FTO: variants seen among roughly 807,000 people sequenced by gnomAD.
FTO encodes FTO alpha-ketoglutarate dependent dioxygenase, also known as alpha-ketoglutarate-dependent dioxygenase FTO.
FTO carries 47 observed loss-of-function variants against 63.9 expected under a neutral mutation model. The ratio of observed to expected loss-of-function variants is 0.74; its 90% CI spans 0.58 to 0.94. The LOEUF is 0.94. Among genes scored for constraint, FTO ranks in the 40% least tolerant of loss-of-function variants. The probability of loss-of-function intolerance (pLI) is 0.00; values close to 1 mark genes in which losing one functional copy is unlikely to be tolerated. For missense variants in FTO, 562 were observed against 618.1 expected (o/e 0.91, Z 0.96); for synonymous variants, 207 against 224.4 (o/e 0.92, Z 0.69).
intron 3 of FTO, among the ~76,000 whole-genome samples, chr16:53,836,037 C>T (rs770075092): frequency 2.0e-5 from 3 of 151,966 alleles, no homozygotes; most frequent in Non-Finnish European, 4.4e-5. Flanking sequence ...ATTACAGGCG[C>T]GGGCCACCAT....
intron 2 of FTO, among the ~76,000 whole-genome samples, chr16:53,817,134 G>T (rs905411239): frequency 6.6e-6 from 1 of 152,186 alleles, no homozygotes; most frequent in Non-Finnish European, 1.5e-5. Context: ...ACAGTGCCTG[G>T]TACATAGGAA....
chr16:54,096,691 G>A (rs530866469), intron 8 of FTO, among the ~76,000 whole-genome samples: 2 of 152,272 alleles, frequency 1.3e-5, no homozygotes, highest in South Asian at 4.1e-4. Context: ...AAAAGTGTTG[G>A]ACTAGTGAGT....
At chr16:53,858,696 T>C (rs2080080419) in intron 4 of FTO, among the ~76,000 whole-genome samples, 1 of 152,128 alleles carries the variant, frequency 6.6e-6, no homozygotes, top group South Asian at 2.1e-4. Flanking sequence ...GGTCTTGATC[T>C]GTCACCCAGG....
intron 8 of FTO, among the ~76,000 whole-genome samples, chr16:54,062,805 T>C (rs2085615625): frequency 6.6e-6 from 1 of 152,132 alleles, no homozygotes; most frequent in Non-Finnish European, 1.5e-5. Context: ...TAAAGACAGA[T>C]AAGTAACTGT....
chr16:53,838,587 A>G (rs1004327217), intron 3 of FTO, among the ~76,000 whole-genome samples: 2 of 152,200 alleles, frequency 1.3e-5, no homozygotes, highest in Non-Finnish European at 2.9e-5. Flanking sequence ...CTGGGATTAC[A>G]AGTGTGAACC....
intron 4 of FTO, among the ~76,000 whole-genome samples, chr16:53,856,654 G>GCAGGAGAATCACTTGAACC (rs61079508): frequency 0.37 from 55,107 of 149,934 alleles, 13,084 homozygotes; most frequent in East Asian, 0.75. Flanking sequence ...AGAGGCTGAG[G>GCAGGAGAATCACTTGAACC]CAGGAGAATC....
chr16:53,934,269 G>A (rs2082340924), intron 8 of FTO, among the ~76,000 whole-genome samples, 160 bp downstream of exon 8: 1 of 152,108 alleles, frequency 6.6e-6, no homozygotes, highest in African/African-American at 2.4e-5. Context: ...TCCTGCCCAC[G>A]GCACCTACAT....
intron 1 of FTO, among the ~76,000 whole-genome samples, chr16:53,799,906 G>T (rs2151710081): frequency 6.6e-6 from 1 of 152,144 alleles, no homozygotes; most frequent in South Asian, 2.1e-4. Flanking sequence ...AAACTTCTGT[G>T]TGTATTTTTA....
At chr16:53,710,767 T>C (rs184182159) in intron 1 of FTO, among the ~76,000 whole-genome samples, 186 of 152,316 alleles carry the variant, frequency 1.2e-3, no homozygotes, top group African/African-American at 4.2e-3. Flanking sequence ...CTTGAAAAAC[T>C]TAAGTATCTG....
At chr16:53,746,599 A>T (rs1417073073) in intron 1 of FTO, among the ~76,000 whole-genome samples, 1 of 152,140 alleles carries the variant, frequency 6.6e-6, no homozygotes. Flanking sequence ...TCATAGTTGT[A>T]AATATTATGG....
At chr16:53,706,554 T>C (rs942620442) in intron 1 of FTO, among the ~76,000 whole-genome samples, 18 of 152,216 alleles carry the variant, frequency 1.2e-4, no homozygotes, top group East Asian at 1.9e-4. Flanking sequence ...CTTTTTTTCA[T>C]TCAGCGTAAT....
At chr16:54,018,418 A>ATACC (rs1278540250) in intron 8 of FTO, among the ~76,000 whole-genome samples, 3 of 151,620 alleles carry the variant, frequency 2.0e-5, no homozygotes, top group African/African-American at 7.3e-5. Context: ...AGATACATAC[A>ATACC]TACATACATA....
intron 8 of FTO, among the ~76,000 whole-genome samples, chr16:54,033,346 G>A (rs1435460960): frequency 6.6e-6 from 1 of 152,140 alleles, no homozygotes; most frequent in African/African-American, 2.4e-5. Flanking sequence ...AGTTGAGACT[G>A]TGGGGCTGGG....
chr16:53,841,480 T>C (rs2079475421), intron 3 of FTO, among the ~76,000 whole-genome samples: 1 of 152,156 alleles, frequency 6.6e-6, no homozygotes, highest in South Asian at 2.1e-4. Flanking sequence ...CAGACCAAAC[T>C]TAGGGGAAAG....
intron 7 of FTO, 142 bp downstream of exon 7, chr16:53,889,093 G>A: frequency 9.9e-7 from 1 of 1,008,972 alleles, no homozygotes; most frequent in Admixed American, 1.8e-5. Context: ...GATGGGTATA[G>A]CCAGGATTTT....
chr16:53,936,527 C>T (rs1028783209), intron 8 of FTO, among the ~76,000 whole-genome samples: 3 of 152,128 alleles, frequency 2.0e-5, no homozygotes, highest in African/African-American at 4.8e-5. Flanking sequence ...CTCGAGTAGC[C>T]GTCAAATGGG....
Position 53,938,523 on chromosome 16 carries a change from A to G in FTO, c.1364+4414A>G, listed in dbSNP as rs182063172. Among the ~76,000 whole-genome samples the G allele has an allele frequency of 2.2e-3, 332 of 152,308 alleles. 7 individuals are homozygous for G. Among genetic ancestry groups the G allele is most frequent in the Non-Finnish European group, 1.7e-3 (114 of 68,030 alleles). On this transcript the variant is annotated intron_variant, in intron 8 of 8. Transcript: ENST00000471389. Reference sequence around the variant, plus strand: ...GCACATGCCATGAGTCCACTTTCTGAAGGGAGAATGATTTCATTCAGTGAG... The same window carrying G: ...GCACATGCCATGAGTCCACTTTCTGGAGGGAGAATGATTTCATTCAGTGAG...
chr16:54,031,194 T>C (rs2084823044), intron 8 of FTO, among the ~76,000 whole-genome samples: 1 of 152,210 alleles, frequency 6.6e-6, no homozygotes, highest in South Asian at 2.1e-4. Flanking sequence ...TGTTTTAAGC[T>C]ACATACATAA....
At chr16:54,098,739 T>C (rs2086568500) in intron 8 of FTO, among the ~76,000 whole-genome samples, 1 of 152,234 alleles carries the variant, frequency 6.6e-6, no homozygotes, top group South Asian at 2.1e-4. Flanking sequence ...TTGTGAAGTT[T>C]CTAGATATGG....
Sources: gnomAD v4.1 joint callset for allele counts (sites outside exome capture counted in the v4.1 genomes callset) on GRCh38, gnomAD v4.1.1 for gene constraint, MANE v1.5 for transcripts, NCBI Gene and HGNC (gene_info 2026-07-23, HGNC 2026-07-21) for gene names.